The following CBLB variants were observed in gnomAD, a reference collection of about 807,000 sequenced individuals.
CBLB encodes E3 ubiquitin-protein ligase CBL-B.
CBLB carries 31 observed loss-of-function variants against 104.9 expected under a neutral mutation model. The observed-to-expected ratio is 0.30, with a 90% confidence interval of 0.22 to 0.40. CBLB has a LOEUF of 0.40. CBLB is among the 10% of genes least tolerant of loss of function. The pLI is 1.00. For missense variants in CBLB, 1,062 were observed against 1,214.6 expected, an observed-to-expected ratio of 0.87 and a Z score of 1.87; for synonymous variants, 440 against 422.6, an observed-to-expected ratio of 1.04 and a Z score of -0.51.
chr3:105,745,272 T>C (rs1187209567), intron 6 of CBLB, among the ~76,000 whole-genome samples: 1 of 152,190 alleles, frequency 6.6e-6, no homozygotes, highest in Non-Finnish European at 1.5e-5. Flanking sequence ...ATTTTCTGGA[T>C]CCAGATTTGC....
At chr3:105,703,018 C>A (rs2152784389) in intron 11 of CBLB, among the ~76,000 whole-genome samples, 1 of 152,242 alleles carries the variant, frequency 6.6e-6, no homozygotes, top group East Asian at 1.9e-4. Flanking sequence ...AGTAACAGAG[C>A]AGCACTACAT....
intron 3 of CBLB, among the ~76,000 whole-genome samples, chr3:105,804,793 T>C (rs1293558730): frequency 6.6e-6 from 1 of 152,058 alleles, no homozygotes; most frequent in East Asian, 1.9e-4. Context: ...AGTTTTTACC[T>C]CCTCTTTATT....
intron 4 of CBLB, among the ~76,000 whole-genome samples, chr3:105,763,367 G>A (rs990637913): frequency 1.3e-5 from 2 of 152,146 alleles, no homozygotes; most frequent in Non-Finnish European, 2.9e-5. Context: ...GACATCGTTT[G>A]GCTGTGTCCC....
At chr3:105,728,693 T>C (rs2073967345) in intron 9 of CBLB, among the ~76,000 whole-genome samples, 1 of 152,186 alleles carries the variant, frequency 6.6e-6, no homozygotes, top group Admixed American at 6.5e-5. Context: ...GTAGTATTAC[T>C]TCAAAGAATG....
chr3:105,851,442 C>T (rs1380586328), intron 3 of CBLB, among the ~76,000 whole-genome samples: 4 of 152,154 alleles, frequency 2.6e-5, no homozygotes, highest in African/African-American at 9.7e-5. Context: ...TTCTATATAA[C>T]ACTGTAATGG....
intron 17 of CBLB, among the ~76,000 whole-genome samples, chr3:105,678,188 A>C (rs1263128171): frequency 6.6e-6 from 1 of 152,166 alleles, no homozygotes; most frequent in Non-Finnish European, 1.5e-5. Context: ...TGGACTGGAC[A>C]ATCTCTACAG....
chr3:105,789,970 T>C lies in CBLB; in HGVS notation c.420-13428A>G, dbSNP rs534534733. ...ACTTTTAAGAAGATATTTAAAAATA[T>C]TGCTTAACAGATCACTGTACCTGTC... On this transcript the variant is annotated intron_variant, in intron 3 of 18. Transcript: ENST00000394030. Among the ~76,000 whole-genome samples, 19 of 152,300 alleles carry C rather than the reference T, an allele frequency of 1.2e-4. No homozygotes were observed. The East Asian group carries it at 3.1e-3, about 25-fold the overall frequency.
chr3:105,860,571 T>C (rs1350390408), intron 2 of CBLB, among the ~76,000 whole-genome samples: 4 of 152,204 alleles, frequency 2.6e-5, no homozygotes, highest in Admixed American at 2.0e-4. Context: ...CTTAGGATAT[T>C]ATAATTCTTA....
intron 3 of CBLB, among the ~76,000 whole-genome samples, chr3:105,835,408 G>A (rs2088310648): frequency 6.6e-6 from 1 of 152,138 alleles, no homozygotes; most frequent in Non-Finnish European, 1.5e-5. Flanking sequence ...ATGAACACCA[G>A]TTTAGTAGGA....
In CBLB at chr3:105,686,701, A is replaced by G. The variant is rs568707944; in HGVS notation, c.2055-1235T>C. On this transcript the variant is annotated intron_variant, in intron 13 of 18. Coordinates refer to ENST00000394030, the MANE Select transcript of CBLB (RefSeq NM_170662.5). ...TCATTAGATAGGACATTCAAAGATC[A>G]AAGAAAAACTAAGATTTTTCAAGTG... 5.3e-5 allele frequency among the ~76,000 whole-genome samples: 8 copies of G among 152,260 alleles called. No individual in the cohort carries two copies. The South Asian group carries it at 1.7e-3, about 32-fold the overall frequency.
chr3:105,720,233 G>A lies in CBLB; in HGVS notation c.1221C>T (p.Gly407=), dbSNP rs2072587517. 6.2e-7 allele frequency: 1 copy of A among 1,613,060 alleles called. No homozygotes were observed. Among genetic ancestry groups the A allele is most frequent in the Non-Finnish European group, 8.5e-7 (1 of 1,179,610 alleles). The change falls in exon 10 of 19, where the codon GGC becomes GGT. Residue 407 remains glycine (G), a synonymous_variant. Transcript: ENST00000394030. ...LTAWQESDGQ[G]CPFCRCEIKG... ...TTATTTCACAACGACAGAAAGGGCA[G>A]CCCTGACCATCCGACTCCTAAACAA...
rs1201540249 is a variant in CBLB at position 105,666,524 on chromosome 3, A to G, written c.2689+3709T>C. On this transcript the variant is annotated intron_variant, in intron 18 of 18. Coordinates refer to ENST00000394030, the MANE Select transcript of CBLB (RefSeq NM_170662.5). The stretch of plus-strand genomic sequence containing the variant: ...AACATGGTGAAACCCCATCTCTACT[A>G]AAAATACAAAAATTAGCCGGGCATG... Among the ~76,000 whole-genome samples the G allele has an allele frequency of 2.6e-5, 4 of 152,080 alleles. No homozygotes were observed. The East Asian group carries it at 7.7e-4, about 29-fold the overall frequency.
At chr3:105,800,307 C>G (rs985245328) in intron 3 of CBLB, among the ~76,000 whole-genome samples, 5 of 152,130 alleles carry the variant, frequency 3.3e-5, no homozygotes, top group Admixed American at 2.6e-4. Flanking sequence ...CCAGATGATT[C>G]CAATGTGAGC....
Position 105,769,066 on chromosome 3 carries a change from C to A in CBLB, c.566+7330G>T, listed in dbSNP as rs549271658. On this transcript the variant is annotated intron_variant, in intron 4 of 18. Transcript: ENST00000394030. ...TGATGGCTCATGCCTATAATCCCAG[C>A]ACTTTGGGAGGCTGAGACAGGTGGA... Among the ~76,000 whole-genome samples, 25 of 152,288 alleles carry A rather than the reference C, an allele frequency of 1.6e-4. No homozygotes were observed. In the South Asian group the frequency reaches 5.2e-3, roughly 32 times the overall value.
intron 10 of CBLB, 104 bp from the exon 11 acceptor site, chr3:105,704,277 A>G (rs2069723827): frequency 3.9e-6 from 4 of 1,028,478 alleles, no homozygotes; most frequent in Non-Finnish European, 6.1e-6. Flanking sequence ...GGCACCATAC[A>G]TTTGTTAAAA....
intron 17 of CBLB, chr3:105,671,129 A>C (rs1378190224): frequency 5.2e-6 from 1 of 191,152 alleles, no homozygotes; most frequent in Admixed American, 6.1e-5. Flanking sequence ...GTATTAAATC[A>C]TTAATACCAT....
chr3:105,858,846 T>A, intron 2 of CBLB, among the ~76,000 whole-genome samples: 1 of 152,200 alleles, frequency 6.6e-6, no homozygotes, highest in African/African-American at 2.4e-5. Context: ...AACTGAGTTT[T>A]GTATTTGCTT....
intron 2 of CBLB, among the ~76,000 whole-genome samples, chr3:105,859,792 G>T (rs939051511): frequency 6.6e-6 from 1 of 151,718 alleles, no homozygotes; most frequent in Non-Finnish European, 1.5e-5. Context: ...GAGTTCTTTG[G>T]GTTCTTTCCA....
chr3:105,829,515 C>T (rs951726108), intron 3 of CBLB, among the ~76,000 whole-genome samples: 1 of 151,674 alleles, frequency 6.6e-6, no homozygotes, highest in Non-Finnish European at 1.5e-5. Flanking sequence ...AAAAATCAGC[C>T]AGGCATAGTG....
Sources: gnomAD v4.1 joint callset for allele counts (sites outside exome capture counted in the v4.1 genomes callset) on GRCh38, gnomAD v4.1.1 for gene constraint, MANE v1.5 for transcripts, NCBI Gene and HGNC (gene_info 2026-07-23, HGNC 2026-07-21) for gene names.